Variants in RIF1 observed in about 807,000 individuals in gnomAD.
RIF1 encodes telomere-associated protein RIF1.
RIF1 carries 45 observed loss-of-function variants against 247.1 expected under a neutral mutation model. The ratio of observed to expected loss-of-function variants is 0.18; its 90% confidence interval spans 0.14 to 0.23. The LOEUF is 0.23. Ranked by LOEUF, RIF1 falls within the 10% of genes least tolerant of loss-of-function variation. RIF1 has a pLI of 1.00. For synonymous variants in RIF1, 1,087 were observed against 978.8 expected, an observed-to-expected ratio of 1.11 and a Z score of -2.06; for missense variants, 2,967 against 2,862.5, an observed-to-expected ratio of 1.04 and a Z score of -0.83.
At position 151,420,227 on chromosome 2, in the gene RIF1, G is replaced by A. The variant is rs201962513; in HGVS notation, c.541G>A (p.Ala181Thr). ...EQAPIQMGEE[A>T]VRWAKLVIPL... ...AGCCCCAATTCAAATGGGAGAAGAG[G>A]CAGTGAGGTGGGCAAAACTGGTCAT... The change falls in exon 7 of 36, where the codon GCA becomes ACA. Residue 181 changes from alanine to threonine, a missense_variant. Ala to Thr is a moderately conservative substitution (Grantham distance 58, BLOSUM62 0). This residue lies in a region of RIF1 where 269 missense variants were observed against 288.6 expected (regional missense o/e 0.93). Transcript: ENST00000444746. 1.2e-4 allele frequency: 197 copies of A among 1,614,066 alleles called. 1 individual carries two copies. Among genetic ancestry groups the A allele is most frequent in the Middle Eastern group, 3.3e-4 (2 of 6,062 alleles).
chr2:151,514,474 T>C, the RIF1 span: 2 of 1,390,468 alleles, frequency 1.4e-6, no homozygotes, highest in Non-Finnish European at 2.0e-6. Context: ...AAAGCCCAGA[T>C]TGATTCTCTC....
downstream of RIF1, among the ~76,000 whole-genome samples, chr2:151,484,429 GTA>G (rs2049373928): frequency 6.6e-6 from 1 of 152,202 alleles, no homozygotes; most frequent in Non-Finnish European, 1.5e-5. Flanking sequence ...AACCCTGTCT[GTA>G]CTGAAAATAC....
chr2:151,508,946 C>G (rs751332969), downstream of RIF1, among the ~76,000 whole-genome samples: 3 of 152,196 alleles, frequency 2.0e-5, no homozygotes, highest in Non-Finnish European at 4.4e-5. Context: ...CTTTCATCAT[C>G]GCTTGTCACT....
Position 151,464,191 on chromosome 2 carries a change from G to A in RIF1, c.4671G>A (p.Ser1557=), listed in dbSNP as rs753214670. The A allele has an allele frequency of 2.2e-5, 36 of 1,611,912 alleles. No individual in the cohort carries two copies. In the Admixed American group the frequency reaches 3.2e-4, roughly 14 times the overall value. Residue 1557 remains serine, a synonymous_variant, in exon 30 of 36, where the codon TCG becomes TCA. Transcript: ENST00000444746. ...TTGAAAACTCAGAATCTGATAGTTCGGAGGCAAAAGAAGAAGGTTCTAGGA... is the reference window on the plus strand; with the variant it reads ...TTGAAAACTCAGAATCTGATAGTTCAGAGGCAAAAGAAGAAGGTTCTAGGA... ...SSIENSESDS[S]EAKEEGSRKK...
intron 33 of RIF1, 98 bp downstream of exon 33, chr2:151,468,854 C>A: frequency 1.2e-6 from 1 of 834,880 alleles, no homozygotes; most frequent in Non-Finnish European, 2.0e-6. Flanking sequence ...AATTGATTGG[C>A]ATGTACTCTC....
intron 23 of RIF1, 138 bp downstream of exon 23, chr2:151,456,758 A>G (rs960328511): frequency 2.3e-5 from 12 of 518,862 alleles, no homozygotes; most frequent in Non-Finnish European, 3.6e-5. Flanking sequence ...TGGAGACAGC[A>G]TTTTGCTCTT....
chr2:151,489,997 T>A (rs2054886210), intron 9 of RIF1: 1 of 1,609,934 alleles, frequency 6.2e-7, no homozygotes, highest in Non-Finnish European at 8.5e-7. Context: ...TGAGATGGGA[T>A]GGAAGATACC....
chr2:151,505,219 T>G (rs1553593011), intron 12 of RIF1, among the ~76,000 whole-genome samples: 1 of 152,174 alleles, frequency 6.6e-6, no homozygotes, highest in Non-Finnish European at 1.5e-5. Context: ...GATAATTAAT[T>G]AAGAAGCCAA....
chr2:151,518,413 T>G, the RIF1 span: 1 of 1,602,334 alleles, frequency 6.2e-7, no homozygotes, highest in African/African-American at 1.3e-5. Context: ...TACTTCTTCT[T>G]GTACTGGTAC....
intron 34 of RIF1, 53 bp downstream of exon 34, chr2:151,469,917 C>T: frequency 5.3e-6 from 7 of 1,325,568 alleles, no homozygotes; most frequent in Non-Finnish European, 7.2e-6. Flanking sequence ...TGTAGCAGTA[C>T]AGTTACAGAA....
Position 151,413,785 on chromosome 2 carries a change from A to G in RIF1, c.184-1038A>G, listed in dbSNP as rs549935507. On this transcript the variant is annotated intron_variant, in intron 3 of 35. Transcript: ENST00000444746. ...AGACACTGCAGGGAAGTATCTGCTC[A>G]TATATTTAACCATTTACATTTGCTA... is the stretch of plus-strand genomic sequence containing the variant. 1.8e-4 allele frequency among the ~76,000 whole-genome samples: 28 copies of G among 152,310 alleles called. No homozygotes were observed. The South Asian group carries it at 5.2e-3, about 28-fold the overall frequency.
intron 9 of RIF1, chr2:151,493,260 G>T: frequency 1.0e-6 from 1 of 975,832 alleles, no homozygotes; most frequent in Admixed American, 2.4e-5. Context: ...ATTTTAGTGT[G>T]TTTTTCAGTT....
At chr2:151,519,089 A>C in the RIF1 span, 5 of 1,474,378 alleles carry the variant, frequency 3.4e-6, no homozygotes, top group Non-Finnish European at 4.7e-6. Context: ...ATGGGGGAAG[A>C]AAGGAAATCA....
chr2:151,500,040 A>AATT (rs1410710506), intron 11 of RIF1, among the ~76,000 whole-genome samples: 2 of 152,238 alleles, frequency 1.3e-5, no homozygotes, highest in African/African-American at 4.8e-5. Flanking sequence ...ACAAGAAAAT[A>AATT]ATTAGAAAAT....
At position 151,497,812 on chromosome 2, in the gene RIF1, G is replaced by A. The variant is rs899521977; in HGVS notation, c.*514-1533G>A. On this transcript the variant is annotated intron_variant and NMD_transcript_variant, in intron 10 of 13. Transcript: ENST00000454583. ...ATGAGGAAAAAACACAGTCATCCAA[G>A]GAGCCAGAAGTTATATGCTGACAAA... 30 of 1,533,324 alleles carry A rather than the reference G, an allele frequency of 2.0e-5. No individual in the cohort carries two copies. The Admixed American group carries it at 6.1e-4, about 31-fold the overall frequency. The allele number at this position is 1,533,324 out of a possible 1,614,324, so 95.0% of individuals were successfully genotyped here.
chr2:151,471,595 CA>C (rs1422715720), intron 34 of RIF1, among the ~76,000 whole-genome samples: 1 of 152,128 alleles, frequency 6.6e-6, no homozygotes, highest in Non-Finnish European at 1.5e-5. Context: ...TATGGCTAGC[CA>C]GTTTTCCCAA....
At chr2:151,527,082 A>G in the RIF1 span, 2 of 1,146,222 alleles carry the variant, frequency 1.7e-6, no homozygotes, top group Non-Finnish European at 1.3e-6. Context: ...GAAGCTGGGC[A>G]TTTGATTAAA....
chr2:151,508,982 A>AACTT (rs1289277656), downstream of RIF1, among the ~76,000 whole-genome samples: 1 of 152,182 alleles, frequency 6.6e-6, no homozygotes, highest in East Asian at 1.9e-4. Context: ...TCTCTAGCTT[A>AACTT]ACTTAGCTCC....
At chr2:151,517,391 G>A in the RIF1 span, among the ~76,000 whole-genome samples, 43 of 152,298 alleles carry the variant, frequency 2.8e-4, no homozygotes, top group African/African-American at 8.9e-4. Context: ...CAGAAGACAC[G>A]AGGACGTTTC....
Sources: gnomAD v4.1 joint callset for allele counts (sites outside exome capture counted in the v4.1 genomes callset) on GRCh38, gnomAD v4.1.1 for gene constraint, gnomAD v4.1.1 regional missense constraint, MANE v1.5 for transcripts, NCBI Gene and HGNC (gene_info 2026-07-23, HGNC 2026-07-21) for gene names.